The following EGFR variants were observed in gnomAD, a reference collection of about 807,000 sequenced individuals.
EGFR encodes epidermal growth factor receptor, also known as avian erythroblastic leukemia viral (v-erb-b) oncogene homolog.
A neutral mutation model predicts 143.0 loss-of-function variants in EGFR; 58 were observed. That is an observed-to-expected ratio of 0.41 (90% CI 0.33 to 0.50). The LOEUF is 0.50. Ranked by LOEUF, EGFR falls within the 20% of genes least tolerant of loss-of-function variation. EGFR has a pLI of 0.39. For synonymous variants in EGFR, 613 were observed against 594.4 expected (o/e 1.03, Z -0.45); for missense variants, 1,307 against 1,579.0 (o/e 0.83, Z 2.92).
chr7:55,202,930 T>C, intron 27 of EGFR: 1 of 626,770 alleles, frequency 1.6e-6, no homozygotes, highest in East Asian at 2.7e-5. Flanking sequence ...ATGATGTGTG[T>C]ACATCTGTGT....
At chr7:55,143,949 G>T (rs145690627) in intron 3 of EGFR, among the ~76,000 whole-genome samples, 48 of 152,264 alleles carry the variant, frequency 3.2e-4, no homozygotes, top group African/African-American at 1.1e-3. Flanking sequence ...TAAGGATAGA[G>T]AATGAGGTGT....
At chr7:55,136,282 C>T (rs1473397547) in intron 1 of EGFR, among the ~76,000 whole-genome samples, 1 of 152,156 alleles carries the variant, frequency 6.6e-6, no homozygotes, top group Non-Finnish European at 1.5e-5. Context: ...GGAAAAAAAT[C>T]CTCCTCTGGC....
chr7:55,160,116 G>C (rs1211632932), intron 11 of EGFR, 23 bp from the exon 12 acceptor site: 2 of 1,613,274 alleles, frequency 1.2e-6, no homozygotes, highest in South Asian at 1.1e-5. Context: ...TTCACCACAT[G>C]ATTTTTCTTC....
intron 14 of EGFR, among the ~76,000 whole-genome samples, chr7:55,164,111 T>A (rs1785848001): frequency 1.3e-5 from 2 of 152,248 alleles, no homozygotes; most frequent in African/African-American, 4.8e-5. Context: ...GTTTCCCCCA[T>A]CCCTGACCTA....
intron 25 of EGFR, among the ~76,000 whole-genome samples, 177 bp downstream of exon 25, chr7:55,201,532 A>G (rs1787849273): frequency 6.6e-6 from 1 of 152,254 alleles, no homozygotes; most frequent in Admixed American, 6.5e-5. Flanking sequence ...TTGCATTGCA[A>G]CAACTTGATT....
intron 22 of EGFR, among the ~76,000 whole-genome samples, chr7:55,194,226 CTTTT>C (rs56129716): frequency 6.0e-5 from 8 of 132,908 alleles, no homozygotes; most frequent in South Asian, 2.5e-4. Flanking sequence ...TATTTTTTAA[CTTTT>C]TTTTTTTTTT....
intron 4 of EGFR, among the ~76,000 whole-genome samples, chr7:55,149,810 A>G (rs115300718): frequency 1.6e-4 from 24 of 152,358 alleles, no homozygotes; most frequent in African/African-American, 5.8e-4. Context: ...TTGGTTGAAA[A>G]AATTATGCAG....
At chr7:55,191,567 C>A (rs2128964045) in intron 20 of EGFR, 152 bp from the exon 21 acceptor site, 1 of 942,428 alleles carries the variant, frequency 1.1e-6, no homozygotes, top group South Asian at 1.5e-5. Flanking sequence ...TGCGCCTTTC[C>A]ATTCTTTGGA....
chr7:55,128,136 C>T (rs1793637180), intron 1 of EGFR, among the ~76,000 whole-genome samples: 1 of 152,192 alleles, frequency 6.6e-6, no homozygotes, highest in Non-Finnish European at 1.5e-5. Context: ...GGACTTGGCC[C>T]CAGCCCTGCT....
chr7:55,134,622 C>T (rs573147569), intron 1 of EGFR, among the ~76,000 whole-genome samples: 2 of 152,214 alleles, frequency 1.3e-5, no homozygotes, highest in East Asian at 3.9e-4. Flanking sequence ...CTTTTTTAGC[C>T]CAATTTTGTT....
intron 2 of EGFR, among the ~76,000 whole-genome samples, 177 bp from the exon 3 acceptor site, chr7:55,143,128 G>A (rs202064166): frequency 3.3e-5 from 5 of 152,180 alleles, no homozygotes; most frequent in Admixed American, 6.5e-5. Flanking sequence ...GTTGCAGATC[G>A]TGGACATGCT....
chr7:55,177,207 G>A (rs1234019639), intron 19 of EGFR, among the ~76,000 whole-genome samples: 1 of 152,110 alleles, frequency 6.6e-6, no homozygotes, highest in East Asian at 1.9e-4. Flanking sequence ...GGCTGCCCAG[G>A]CCTCACCAGC....
intron 13 of EGFR, among the ~76,000 whole-genome samples, chr7:55,163,040 C>T (rs1785785089): frequency 6.6e-6 from 1 of 152,320 alleles, no homozygotes; most frequent in South Asian, 2.1e-4. Context: ...GATCTGCCCG[C>T]CTCGGCCTCC....
intron 19 of EGFR, chr7:55,180,827 A>G (rs1172832004): frequency 9.3e-6 from 2 of 214,814 alleles, no homozygotes; most frequent in Non-Finnish European, 1.9e-5. Context: ...CCTCTGCAGC[A>G]CCCACAGCCA....
intron 1 of EGFR, among the ~76,000 whole-genome samples, 156 bp from the exon 2 acceptor site, chr7:55,142,130 C>A (rs1179323914): frequency 1.3e-5 from 2 of 152,196 alleles, no homozygotes; most frequent in Admixed American, 6.5e-5. Context: ...AGTTAGTAAG[C>A]TTTGCGCCCA....
chr7:55,199,330 A>G (rs376878198), intron 23 of EGFR, among the ~76,000 whole-genome samples: 10 of 152,246 alleles, frequency 6.6e-5, no homozygotes, highest in African/African-American at 2.4e-4. Flanking sequence ...AAACATTTCA[A>G]TCTAAATAAG....
At chr7:55,135,086 A>G (rs1794062819) in intron 1 of EGFR, among the ~76,000 whole-genome samples, 1 of 152,188 alleles carries the variant, frequency 6.6e-6, no homozygotes. Flanking sequence ...CAGAAGCATC[A>G]GTGAACTCCC....
chr7:55,095,712 A>T (rs1354080330), intron 1 of EGFR, among the ~76,000 whole-genome samples: 1 of 79,556 alleles, frequency 1.3e-5, no homozygotes, highest in Non-Finnish European at 2.2e-5. Context: ...GCACACAGAG[A>T]TACACACAGA....
chr7:55,033,752 C>A (rs190278997), intron 1 of EGFR, among the ~76,000 whole-genome samples: 1 of 152,204 alleles, frequency 6.6e-6, no homozygotes, highest in East Asian at 1.9e-4. Context: ...TCTTTGGTGA[C>A]CATCCCTTGC....
Sources: gnomAD v4.1 joint callset for allele counts (sites outside exome capture counted in the v4.1 genomes callset) on GRCh38, gnomAD v4.1.1 for gene constraint, MANE v1.5 for transcripts, NCBI Gene and HGNC (gene_info 2026-07-23, HGNC 2026-07-21) for gene names.